Variants in ME1 observed in about 807,000 individuals in gnomAD.
The protein encoded by ME1 is malic enzyme 1, also known as NADP-dependent malic enzyme.
Under a neutral mutation model 66.4 loss-of-function variants are expected in ME1, and 74 were observed. The observed-to-expected ratio is 1.11, with a 90% CI of 0.92 to 1.35. ME1 has a LOEUF of 1.35. ME1 is among the 40% of genes most tolerant of loss of function. The pLI, the probability that ME1 is intolerant of heterozygous loss-of-function variation, is 0.00. For missense variants in ME1, 750 were observed against 694.1 expected, an observed-to-expected ratio of 1.08 and a Z score of -0.90; for synonymous variants, 251 against 235.6, an observed-to-expected ratio of 1.07 and a Z score of -0.60.
At chr6:83,382,046 T>C (rs182847022) in intron 3 of ME1, among the ~76,000 whole-genome samples, 71 of 152,010 alleles carry the variant, frequency 4.7e-4, no homozygotes, top group Admixed American at 8.5e-4. Context: ...CTTTTTTTTT[T>C]CCCTGATTTT....
chr6:83,212,605 C>A (rs117504554), intron 13 of ME1, among the ~76,000 whole-genome samples: 1 of 152,168 alleles, frequency 6.6e-6, no homozygotes, highest in Non-Finnish European at 1.5e-5. Context: ...TCATCACGCC[C>A]TGTGTTTCAT....
In ME1 at chr6:83,300,815, A is replaced by T. The variant is rs141023000; in HGVS notation, c.704+14495T>A. On this transcript the variant is annotated intron_variant, in intron 6 of 13. Transcript: ENST00000369705. ...ACCAACCCAAATGTCCATCAATGGT[A>T]GACTGGATTAAGAAAATATGGTACA... Among the ~76,000 whole-genome samples, 4 of 152,228 alleles carry T rather than the reference A, an allele frequency of 2.6e-5. 1 individual carries two copies. Among genetic ancestry groups the T allele is most frequent in the African/African-American group, 9.6e-5 (4 of 41,540 alleles).
intron 3 of ME1, among the ~76,000 whole-genome samples, chr6:83,394,133 C>T (rs1769684847): frequency 6.6e-6 from 1 of 151,572 alleles, no homozygotes; most frequent in African/African-American, 2.4e-5. Flanking sequence ...CTTTGCAATA[C>T]AATTAACAGT....
At chr6:83,281,310 C>T (rs1767281598) in intron 6 of ME1, among the ~76,000 whole-genome samples, 1 of 152,164 alleles carries the variant, frequency 6.6e-6, no homozygotes, top group South Asian at 2.1e-4. Flanking sequence ...ATCTTAATTT[C>T]ATGTGGCTTG....
chr6:83,330,786 A>G (rs1768391765), intron 5 of ME1, among the ~76,000 whole-genome samples: 1 of 152,194 alleles, frequency 6.6e-6, no homozygotes, highest in Non-Finnish European at 1.5e-5. Context: ...GTCTCAGGAA[A>G]CAGATAAATA....
intron 9 of ME1, among the ~76,000 whole-genome samples, chr6:83,235,584 C>T (rs1333216583): frequency 6.6e-6 from 1 of 151,630 alleles, no homozygotes; most frequent in Non-Finnish European, 1.5e-5. Context: ...CATTCTCCTG[C>T]CTCAGCCTCC....
At chr6:83,237,280 G>GAGAAAGA (rs1790426961) in intron 9 of ME1, among the ~76,000 whole-genome samples, 11 of 21,602 alleles carry the variant, frequency 5.1e-4, no homozygotes, top group South Asian at 1.2e-3. Flanking sequence ...AGAAAGAAAG[G>GAGAAAGA]AAGGAAGGAA....
At chr6:83,230,005 T>A (rs904046379) in intron 9 of ME1, among the ~76,000 whole-genome samples, 14 of 150,062 alleles carry the variant, frequency 9.3e-5, no homozygotes, top group Non-Finnish European at 1.8e-4. Context: ...CATTTTTTTT[T>A]AGAGATGGGG....
At chr6:83,415,725 A>C (rs1214557645) in intron 1 of ME1, among the ~76,000 whole-genome samples, 1 of 152,164 alleles carries the variant, frequency 6.6e-6, no homozygotes, top group Non-Finnish European at 1.5e-5. Flanking sequence ...AATTAAACTA[A>C]TCCACTATTA....
At chr6:83,224,626 G>C (rs1214856646) in intron 11 of ME1, among the ~76,000 whole-genome samples, 1 of 149,030 alleles carries the variant, frequency 6.7e-6, no homozygotes, top group Non-Finnish European at 1.5e-5. Context: ...AGAGGTTGCA[G>C]TGAGCCTAGA....
At chr6:83,411,901 C>G (rs916679453) in intron 1 of ME1, among the ~76,000 whole-genome samples, 15 of 152,140 alleles carry the variant, frequency 9.9e-5, no homozygotes, top group Admixed American at 5.9e-4. Context: ...GATCCCTAGA[C>G]AGCAGAATGG....
At chr6:83,299,941 G>A (rs1002830826) in intron 6 of ME1, among the ~76,000 whole-genome samples, 1 of 152,138 alleles carries the variant, frequency 6.6e-6, no homozygotes, top group Non-Finnish European at 1.5e-5. Context: ...TTGCATCCCA[G>A]GGATGAAACC....
rs139120888 is a variant in ME1 at position 83,400,050 on chromosome 6, C to T, written c.213-1534G>A. ...GGCTCAATACACTTTCTTTCATTGA[C>T]TTCCAATCTATCATATTCTCATGGT... On this transcript the variant is annotated intron_variant, in intron 2 of 13. Coordinates refer to ENST00000369705, the MANE Select transcript of ME1 (RefSeq NM_002395.6). 3.0e-4 allele frequency among the ~76,000 whole-genome samples: 46 copies of T among 152,298 alleles called. 2 individuals carry two copies. The East Asian group carries it at 8.1e-3, about 27-fold the overall frequency.
chr6:83,349,595 G>A (rs1768760304), intron 4 of ME1, among the ~76,000 whole-genome samples: 2 of 152,048 alleles, frequency 1.3e-5, no homozygotes, highest in Non-Finnish European at 2.9e-5. Flanking sequence ...AATTTCCCAA[G>A]GCCCATCCTC....
At position 83,319,903 on chromosome 6, in the gene ME1, G is replaced by A. The variant is rs1002762981; in HGVS notation, c.601-4490C>T. ...GTGGTTATTCTGTCCCTGCCTCACC[G>A]TTGTATGTTTGATATGTGGGAACAC... On this transcript the variant is annotated intron_variant, in intron 5 of 13. Coordinates refer to ENST00000369705, the MANE Select transcript of ME1 (RefSeq NM_002395.6). Among the ~76,000 whole-genome samples the A allele has an allele frequency of 1.2e-4, 18 of 152,236 alleles. 1 individual carries two copies. The South Asian group carries it at 2.1e-3, about 18-fold the overall frequency.
chr6:83,412,949 C>T (rs1335559612), intron 1 of ME1, among the ~76,000 whole-genome samples: 2 of 152,148 alleles, frequency 1.3e-5, no homozygotes, highest in Non-Finnish European at 2.9e-5. Flanking sequence ...TAGAACTGTA[C>T]ATCCAAAAGT....
intron 6 of ME1, among the ~76,000 whole-genome samples, chr6:83,254,516 C>T (rs1356206853): frequency 2.6e-5 from 4 of 152,122 alleles, no homozygotes; most frequent in Non-Finnish European, 2.9e-5. Flanking sequence ...AATGATTAGA[C>T]CATAGCAGCA....
intron 6 of ME1, among the ~76,000 whole-genome samples, chr6:83,259,098 G>C (rs545230311): frequency 2.6e-5 from 4 of 152,226 alleles, no homozygotes; most frequent in Non-Finnish European, 5.9e-5. Context: ...AACCAAGCAT[G>C]TTTTAATTTT....
At chr6:83,381,260 C>A (rs1769391476) in intron 3 of ME1, among the ~76,000 whole-genome samples, 1 of 152,028 alleles carries the variant, frequency 6.6e-6, no homozygotes, top group Non-Finnish European at 1.5e-5. Flanking sequence ...AGAACATGAT[C>A]TAATTGGCTC....
Sources: gnomAD v4.1 joint callset for allele counts (sites outside exome capture counted in the v4.1 genomes callset) on GRCh38, gnomAD v4.1.1 for gene constraint, MANE v1.5 for transcripts, NCBI Gene and HGNC (gene_info 2026-07-23, HGNC 2026-07-21) for gene names.